PSD3: variants seen among roughly 807,000 people sequenced by gnomAD.
The protein encoded by PSD3 is PH and SEC7 domain-containing protein 3.
PSD3 carries 49 observed loss-of-function variants against 105.5 expected under a neutral mutation model. The ratio of observed to expected loss-of-function variants is 0.46; its 90% CI spans 0.37 to 0.59. The LOEUF (loss-of-function observed/expected upper bound fraction) is 0.59, where lower values mean the gene tolerates loss of function less well. Ranked by LOEUF, PSD3 falls within the 20% of genes least tolerant of loss-of-function variation. The pLI, the probability that PSD3 is intolerant of heterozygous loss-of-function variation, is 0.00. For missense variants in PSD3, 1,561 were observed against 1,263.8 expected, an observed-to-expected ratio of 1.24 and a Z score of -3.57; for synonymous variants, 557 against 457.8, an observed-to-expected ratio of 1.22 and a Z score of -2.77.
At chr8:18,809,919 C>T (rs1007276562) in intron 4 of PSD3, among the ~76,000 whole-genome samples, 24 of 152,142 alleles carry the variant, frequency 1.6e-4, no homozygotes, top group African/African-American at 5.6e-4. Context: ...TCTCTCTTGA[C>T]CTGCATGCTA....
At chr8:19,051,631 T>C (rs934411891) in intron 1 of PSD3, among the ~76,000 whole-genome samples, 3 of 152,188 alleles carry the variant, frequency 2.0e-5, no homozygotes, top group South Asian at 2.1e-4. Flanking sequence ...CCAATCAGAA[T>C]AATTGCTCCT....
chr8:18,606,708 A>G (rs931486786), intron 11 of PSD3, among the ~76,000 whole-genome samples: 2 of 152,160 alleles, frequency 1.3e-5, no homozygotes, highest in African/African-American at 4.8e-5. Flanking sequence ...AAATTATTAC[A>G]GTAGGTGAGA....
At chr8:18,979,471 A>T (rs1233528597) in intron 1 of PSD3, 1 of 152,200 alleles carries the variant, frequency 6.6e-6, no homozygotes, top group Non-Finnish European at 1.5e-5. Flanking sequence ...CAAAACCAGA[A>T]ATTGCTGTTT....
At chr8:19,042,197 T>C (rs1011228432) in intron 1 of PSD3, among the ~76,000 whole-genome samples, 2 of 152,200 alleles carry the variant, frequency 1.3e-5, no homozygotes, top group African/African-American at 2.4e-5. Context: ...ATTGCACATA[T>C]GATATTTTGT....
intron 1 of PSD3, among the ~76,000 whole-genome samples, chr8:19,012,169 T>G (rs1041367376): frequency 2.7e-5 from 4 of 148,966 alleles, no homozygotes; most frequent in African/African-American, 1.0e-4. Flanking sequence ...ACCACTCTAC[T>G]CCTTTTAGTA....
chr8:18,993,853 T>G (rs1343068916), intron 1 of PSD3, among the ~76,000 whole-genome samples: 1 of 121,368 alleles, frequency 8.2e-6, no homozygotes, highest in African/African-American at 2.9e-5. Context: ...CAGAACAATT[T>G]GATTATATCA....
intron 10 of PSD3, among the ~76,000 whole-genome samples, chr8:18,647,711 G>A (rs184006079): frequency 1.0e-3 from 148 of 146,050 alleles, no homozygotes; most frequent in African/African-American, 3.6e-3. Flanking sequence ...CTGTGTCCCC[G>A]CTCAAATTTC....
chr8:18,857,837 T>G (rs1816138253), intron 4 of PSD3, among the ~76,000 whole-genome samples: 1 of 152,176 alleles, frequency 6.6e-6, no homozygotes. Flanking sequence ...GTTCAGTGTG[T>G]GTGATTTTTA....
intron 4 of PSD3, among the ~76,000 whole-genome samples, chr8:18,820,654 T>C (rs1486207315): frequency 6.6e-6 from 1 of 152,186 alleles, no homozygotes; most frequent in African/African-American, 2.4e-5. Flanking sequence ...CATTTCTTTT[T>C]TTTTAAATCT....
At chr8:19,073,117 T>G (rs1241606735) in intron 1 of PSD3, among the ~76,000 whole-genome samples, 1 of 146,370 alleles carries the variant, frequency 6.8e-6, no homozygotes, top group African/African-American at 2.5e-5. Flanking sequence ...TTGTTCTTTT[T>G]CTTGCCTCTT....
chr8:18,709,402 A>T (rs1802106144), intron 9 of PSD3, among the ~76,000 whole-genome samples: 1 of 152,132 alleles, frequency 6.6e-6, no homozygotes, highest in Non-Finnish European at 1.5e-5. Flanking sequence ...CAGCAGATTT[A>T]ATCTCTCCCG....
intron 9 of PSD3, among the ~76,000 whole-genome samples, chr8:18,748,220 G>T (rs1421126695): frequency 6.6e-6 from 1 of 152,128 alleles, no homozygotes; most frequent in Admixed American, 6.5e-5. Flanking sequence ...TACATCCTTT[G>T]TATTTTTCAA....
At chr8:18,568,024 T>A (rs1347056921) in intron 14 of PSD3, among the ~76,000 whole-genome samples, 1 of 152,216 alleles carries the variant, frequency 6.6e-6, no homozygotes, top group Non-Finnish European at 1.5e-5. Context: ...TTTCCCTTCC[T>A]CTCTCTCTTG....
chr8:18,928,130 C>T (rs1821494472), intron 2 of PSD3, among the ~76,000 whole-genome samples: 1 of 152,202 alleles, frequency 6.6e-6, no homozygotes, highest in Non-Finnish European at 1.5e-5. Context: ...CCACCCAAAT[C>T]TCACCTGGAA....
intron 9 of PSD3, among the ~76,000 whole-genome samples, chr8:18,736,073 G>A (rs1157514748): frequency 6.6e-6 from 1 of 152,102 alleles, no homozygotes; most frequent in Non-Finnish European, 1.5e-5. Context: ...AAACAACGTA[G>A]AATTCCAACA....
chr8:19,072,210 T>A (rs1829294487), intron 1 of PSD3, among the ~76,000 whole-genome samples: 1 of 151,668 alleles, frequency 6.6e-6, no homozygotes, highest in East Asian at 1.9e-4. Flanking sequence ...CAAGCAATTC[T>A]CCTCCCTCAG....
At chr8:18,549,091 T>C (rs189054063) in intron 15 of PSD3, among the ~76,000 whole-genome samples, 5 of 152,164 alleles carry the variant, frequency 3.3e-5, no homozygotes, top group Admixed American at 1.3e-4. Context: ...GGGGCTCTCT[T>C]GGCAGTGACC....
chr8:18,877,094 T>C (rs1030084856), intron 2 of PSD3, among the ~76,000 whole-genome samples: 1 of 152,344 alleles, frequency 6.6e-6, no homozygotes, highest in African/African-American at 2.4e-5. Context: ...TTGCAAATGT[T>C]TTCTACCATT....
At chr8:18,979,096 C>T (rs912611276) in intron 1 of PSD3, among the ~76,000 whole-genome samples, 3 of 152,070 alleles carry the variant, frequency 2.0e-5, no homozygotes, top group African/African-American at 7.2e-5. Flanking sequence ...CTTCTGAGGT[C>T]TTTTTCCTGC....
Sources: gnomAD v4.1 joint callset for allele counts (sites outside exome capture counted in the v4.1 genomes callset) on GRCh38, gnomAD v4.1.1 for gene constraint, MANE v1.5 for transcripts, NCBI Gene and HGNC (gene_info 2026-07-23, HGNC 2026-07-21) for gene names.